SGCZ: variants seen among roughly 807,000 people sequenced by gnomAD.
The protein encoded by SGCZ is zeta-sarcoglycan.
A neutral mutation model predicts 41.3 loss-of-function variants in SGCZ; 40 were observed. The ratio of observed to expected loss-of-function variants is 0.97; its 90% CI spans 0.75 to 1.26. The LOEUF (loss-of-function observed/expected upper bound fraction) is 1.26, where lower values mean the gene tolerates loss of function less well. Ranked by LOEUF, SGCZ falls within the 50% of genes most tolerant of loss-of-function variation. The probability of loss-of-function intolerance (pLI) is 0.00; values close to 1 mark genes in which losing one functional copy is unlikely to be tolerated. For synonymous variants in SGCZ, 206 were observed against 137.5 expected (o/e 1.50, Z -3.49); for missense variants, 552 against 369.8 (o/e 1.49, Z -4.04).
At chr8:14,875,988 C>T (rs1455612652) in intron 1 of SGCZ, among the ~76,000 whole-genome samples, 1 of 152,146 alleles carries the variant, frequency 6.6e-6, no homozygotes, top group Non-Finnish European at 1.5e-5. Flanking sequence ...ACACCAAACA[C>T]AAACCATTTG....
chr8:14,786,033 T>A (rs1800756295), intron 1 of SGCZ, among the ~76,000 whole-genome samples: 2 of 131,840 alleles, frequency 1.5e-5, no homozygotes, highest in African/African-American at 7.5e-5. Context: ...ATATCCCCTT[T>A]ATTTTTAAGA....
At chr8:15,192,291 G>A (rs750610666) in intron 1 of SGCZ, among the ~76,000 whole-genome samples, 24 of 151,850 alleles carry the variant, frequency 1.6e-4, no homozygotes, top group Non-Finnish European at 3.2e-4. Context: ...TAGCTACTTC[G>A]GAACATTGTT....
intron 1 of SGCZ, among the ~76,000 whole-genome samples, chr8:15,144,946 A>T (rs1798999256): frequency 6.6e-6 from 1 of 152,166 alleles, no homozygotes; most frequent in Admixed American, 6.5e-5. Context: ...TCACTATGTG[A>T]TTTCACAAAA....
chr8:15,041,185 C>T (rs1804082707), intron 1 of SGCZ, among the ~76,000 whole-genome samples: 1 of 151,546 alleles, frequency 6.6e-6, no homozygotes, highest in Non-Finnish European at 1.5e-5. Flanking sequence ...AATTAGATCA[C>T]ATTAATATTT....
intron 1 of SGCZ, among the ~76,000 whole-genome samples, chr8:14,823,164 G>A (rs963643659): frequency 3.3e-5 from 5 of 151,382 alleles, no homozygotes; most frequent in African/African-American, 1.2e-4. Context: ...CATGACATTG[G>A]GCTAGGCAAG....
intron 2 of SGCZ, among the ~76,000 whole-genome samples, chr8:14,433,109 T>A (rs1013065612): frequency 6.6e-6 from 1 of 152,102 alleles, no homozygotes; most frequent in African/African-American, 2.4e-5. Flanking sequence ...ACAAACATGT[T>A]ACATATGTGG....
chr8:14,428,231 T>C (rs559083477), intron 2 of SGCZ, among the ~76,000 whole-genome samples: 1 of 152,014 alleles, frequency 6.6e-6, no homozygotes, highest in East Asian at 1.9e-4. Context: ...ATACTATTCA[T>C]ATGTAAACCT....
intron 1 of SGCZ, among the ~76,000 whole-genome samples, chr8:15,237,252 G>GCCCC (rs57656728): frequency 0.04 from 5,988 of 149,864 alleles, 184 homozygotes; most frequent in African/African-American, 0.094. Context: ...TGGTGCCGCT[G>GCCCC]CCCCCCCCGG....
chr8:14,357,692 T>C (rs1309322415), intron 2 of SGCZ, among the ~76,000 whole-genome samples: 2 of 152,208 alleles, frequency 1.3e-5, no homozygotes, highest in Non-Finnish European at 2.9e-5. Context: ...ACACTTTATA[T>C]GTATTATCTT....
Position 14,182,436 on chromosome 8 carries a change from C to A in SGCZ, c.425-17734G>T, listed in dbSNP as rs540060176. ...TAAAAAGCAATTTAGAGACAGGAGGCAGCGAGGATCTCCAAAGCTGTCCTG... is the reference window on the plus strand; with the variant it reads ...TAAAAAGCAATTTAGAGACAGGAGGAAGCGAGGATCTCCAAAGCTGTCCTG... On this transcript the variant is annotated intron_variant, in intron 4 of 7. Coordinates refer to ENST00000382080, the MANE Select transcript of SGCZ (RefSeq NM_139167.4). Among the ~76,000 whole-genome samples, 3 of 152,216 alleles carry A rather than the reference C, an allele frequency of 2.0e-5. No individual in the cohort carries two copies. The South Asian group carries it at 6.2e-4, about 32-fold the overall frequency.
At chr8:14,227,326 T>C (rs1205138530) in intron 4 of SGCZ, among the ~76,000 whole-genome samples, 1 of 152,110 alleles carries the variant, frequency 6.6e-6, no homozygotes, top group Non-Finnish European at 1.5e-5. Flanking sequence ...TATTAACATG[T>C]TCTAATTCCT....
At chr8:14,405,394 A>G (rs1799186082) in intron 2 of SGCZ, among the ~76,000 whole-genome samples, 1 of 152,224 alleles carries the variant, frequency 6.6e-6, no homozygotes, top group Admixed American at 6.5e-5. Flanking sequence ...TTAAACTAAA[A>G]TGCACTCAGA....
chr8:14,870,068 G>T (rs974800029), intron 1 of SGCZ, among the ~76,000 whole-genome samples: 1 of 151,886 alleles, frequency 6.6e-6, no homozygotes, highest in Non-Finnish European at 1.5e-5. Context: ...CACAGAACTA[G>T]AAAAAAATAC....
chr8:14,813,028 T>A (rs1050271528), intron 1 of SGCZ, among the ~76,000 whole-genome samples: 1 of 152,118 alleles, frequency 6.6e-6, no homozygotes, highest in African/African-American at 2.4e-5. Flanking sequence ...TAAAATAAAT[T>A]TGAATAATTG....
chr8:15,112,559 A>G (rs1000074968), intron 1 of SGCZ, among the ~76,000 whole-genome samples: 9 of 152,210 alleles, frequency 5.9e-5, no homozygotes, highest in African/African-American at 2.2e-4. Flanking sequence ...AAATAAGTGG[A>G]AAAGTAATGT....
chr8:14,165,381 C>G (rs1218447109), intron 4 of SGCZ: 1 of 152,096 alleles, frequency 6.6e-6, no homozygotes, highest in Non-Finnish European at 1.5e-5. Context: ...CAATTCTACA[C>G]ACTGATCTAT....
At chr8:14,759,312 T>C (rs531370863) in intron 1 of SGCZ, among the ~76,000 whole-genome samples, 2 of 151,128 alleles carry the variant, frequency 1.3e-5, no homozygotes, top group Non-Finnish European at 1.5e-5. Context: ...ATTCACCTTT[T>C]ATCTGATTTT....
At chr8:14,173,430 T>A (rs1171285854) in intron 4 of SGCZ, among the ~76,000 whole-genome samples, 1 of 149,222 alleles carries the variant, frequency 6.7e-6, no homozygotes, top group African/African-American at 2.4e-5. Context: ...AGAAGGAAAA[T>A]GAAATGCATA....
At chr8:15,226,037 A>G (rs771398748) in intron 1 of SGCZ, among the ~76,000 whole-genome samples, 10 of 152,198 alleles carry the variant, frequency 6.6e-5, no homozygotes, top group Non-Finnish European at 1.3e-4. Context: ...CTACTGAAAG[A>G]CTAAGATAAC....
Sources: allele counts gnomAD v4.1 joint callset (sites outside exome capture counted in the v4.1 genomes callset), GRCh38; gene constraint gnomAD v4.1.1; transcripts MANE v1.5; gene names NCBI Gene and HGNC (gene_info 2026-07-23, HGNC 2026-07-21).